Variants in ZNF550 observed in about 807,000 individuals in gnomAD.
ZNF550 encodes the protein zinc finger protein 550.
ZNF550 carries 42 observed loss-of-function variants against 40.2 expected under a neutral mutation model. The ratio of observed to expected loss-of-function variants is 1.05; its 90% CI spans 0.82 to 1.35. The LOEUF (loss-of-function observed/expected upper bound fraction) is 1.35. Ranked by LOEUF, ZNF550 falls within the 40% of genes most tolerant of loss-of-function variation. The pLI is 0.00. For missense variants in ZNF550, 549 were observed against 525.2 expected, an observed-to-expected ratio of 1.05 and a Z score of -0.44; for synonymous variants, 223 against 198.6, an observed-to-expected ratio of 1.12 and a Z score of -1.03.
At chr19:57,545,283 A>G (rs1281155590) in intron 4 of ZNF550, among the ~76,000 whole-genome samples, 1 of 152,236 alleles carries the variant, frequency 6.6e-6, no homozygotes, top group Non-Finnish European at 1.5e-5. Flanking sequence ...GCAAATGTTT[A>G]TAAGATCAGA....
chr19:57,556,161 C>T, intron 2 of ZNF550, 70 bp downstream of exon 2: 1 of 1,606,564 alleles, frequency 6.2e-7, no homozygotes, highest in Admixed American at 1.7e-5. Context: ...GTGGGCAGTT[C>T]CAGTGACCTT....
intron 2 of ZNF550, chr19:57,553,844 T>G (rs959561575): frequency 6.6e-6 from 1 of 152,172 alleles, no homozygotes; most frequent in African/African-American, 2.4e-5. Context: ...ACTTCCAAAA[T>G]GTGCCCCCCA....
At chr19:57,547,523 T>G (rs201442480) in exon 4 of ZNF550, 35 of 1,613,874 alleles carry the variant, frequency 2.2e-5, no homozygotes, top group Non-Finnish European at 2.8e-5. Flanking sequence ...GAGCTCTGGC[T>G]AAAGGCTTTC....
chr19:57,547,187 T>G (rs1329452868), exon 4 of ZNF550: 1 of 1,611,652 alleles, frequency 6.2e-7, no homozygotes, highest in East Asian at 2.2e-5. Flanking sequence ...GAGCTGCATC[T>G]GAAGGCCTTT....
At chr19:57,549,979 G>A (rs1233734053) in intron 3 of ZNF550, among the ~76,000 whole-genome samples, 1 of 152,208 alleles carries the variant, frequency 6.6e-6, no homozygotes, top group Admixed American at 6.5e-5. Context: ...TTCTCAGGCT[G>A]TCATGAGGTT....
At position 57,549,517 on chromosome 19, in the gene ZNF550, A is replaced by G. The variant is rs1599892828; in HGVS notation, c.251-1524T>C. ...TAAGAGTTTAGGGAAGTTGCACCTA[A>G]TGAGACTGGAAAGAAAAAGAGATCA... is the stretch of plus-strand genomic sequence containing the variant. On this transcript the variant is annotated intron_variant, in intron 3 of 4. Coordinates refer to ENST00000457177, the Ensembl canonical transcript of ZNF550. 3.9e-5 allele frequency among the ~76,000 whole-genome samples: 6 copies of G among 152,326 alleles called. No homozygotes were observed. In the East Asian group the frequency reaches 1.2e-3, roughly 29 times the overall value.
At chr19:57,556,697 C>T in intron 1 of ZNF550, 1 of 220,608 alleles carries the variant, frequency 4.5e-6, no homozygotes, top group South Asian at 6.5e-5. Flanking sequence ...ACAGCAACAG[C>T]AGCAGCTAAG....
intron 4 of ZNF550, chr19:57,544,122 C>T (rs2089987001): frequency 8.1e-6 from 8 of 985,404 alleles, no homozygotes; most frequent in Non-Finnish European, 8.4e-6. Flanking sequence ...AGTTCCTTCC[C>T]TGCTCAAGGG....
At chr19:57,546,416 T>A (rs2090010259) in intron 4 of ZNF550, 1 of 878,400 alleles carries the variant, frequency 1.1e-6, no homozygotes, top group East Asian at 1.2e-4. Context: ...ATAAAACTGA[T>A]CTTACAGGGA....
intron 1 of ZNF550, 49 bp downstream of exon 1, chr19:57,559,607 C>T (rs2090152467): frequency 6.9e-7 from 1 of 1,449,726 alleles, no homozygotes; most frequent in East Asian, 2.7e-5. Context: ...TCGTCGGGCC[C>T]GGGACACTGA....
At chr19:57,543,932 C>CT in intron 4 of ZNF550, 15 of 981,168 alleles carry the variant, frequency 1.5e-5, no homozygotes, top group Non-Finnish European at 1.8e-5. Flanking sequence ...GAGTGAAACT[C>CT]TGTCTCAAAA....
At position 57,546,797 on chromosome 19, in the gene ZNF550, C is replaced by T. The variant is rs1231277898; in HGVS notation, c.*178G>A. 11 of 1,387,524 alleles carry T rather than the reference C, an allele frequency of 7.9e-6. No homozygotes were observed. The Admixed American group carries it at 8.8e-5, about 11-fold the overall frequency. 86.0% of individuals were successfully genotyped at this position (1,387,524 alleles called of 1,614,324 possible). A position where few individuals can be genotyped will look rare whatever the true frequency, so the allele number is the denominator to read the frequency against. On this transcript the variant is annotated 3_prime_UTR_variant, in exon 4 of 5. Coordinates refer to ENST00000457177, the Ensembl canonical transcript of ZNF550. ...CCTTACATTCACTGTATTCACAGGGCTTCTCTCCAAAGTGACTGCTCATGT... is the reference window on the plus strand; with the variant it reads ...CCTTACATTCACTGTATTCACAGGGTTTCTCTCCAAAGTGACTGCTCATGT...
At chr19:57,556,058 TA>T in intron 2 of ZNF550, 172 bp downstream of exon 2, 1 of 786,122 alleles carries the variant, frequency 1.3e-6, no homozygotes. Flanking sequence ...GGGTTTGTGT[TA>T]AAAGGACATT....
intron 4 of ZNF550, among the ~76,000 whole-genome samples, chr19:57,546,301 C>T (rs1404372131): frequency 1.3e-5 from 2 of 151,826 alleles, no homozygotes; most frequent in African/African-American, 4.8e-5. Flanking sequence ...GCCTGAAGAG[C>T]TGCCCTCACT....
intron 3 of ZNF550, 195 bp downstream of exon 3, chr19:57,552,432 G>A (rs2090080215): frequency 1.9e-6 from 1 of 526,766 alleles, no homozygotes; most frequent in African/African-American, 1.9e-5. Flanking sequence ...ACAGCAAAAG[G>A]TACCTGTGTC....
At chr19:57,546,573 A>G (rs968583463) in exon 4 of ZNF550, 30 of 997,942 alleles carry the variant, frequency 3.0e-5, no homozygotes, top group Admixed American at 5.3e-5. Flanking sequence ...TCTCACATCA[A>G]TAACAATTAT....
intron 3 of ZNF550, among the ~76,000 whole-genome samples, chr19:57,549,112 CG>C (rs1231335009): frequency 1.3e-5 from 2 of 151,956 alleles, no homozygotes. Flanking sequence ...ATAGCACAAC[CG>C]GGTGGCTATA....
intron 2 of ZNF550, chr19:57,555,203 A>G (rs1042577081): frequency 6.6e-6 from 1 of 152,214 alleles, no homozygotes; most frequent in East Asian, 1.9e-4. Context: ...CAACAAAATC[A>G]AAACAATGCC....
chr19:57,546,780 T>C (rs1387249983), exon 4 of ZNF550: 1 of 1,369,362 alleles, frequency 7.3e-7, no homozygotes, highest in African/African-American at 1.4e-5. Context: ...ATCCTTACAT[T>C]CACTGTATTC....
Sources: gnomAD v4.1 joint callset for allele counts (sites outside exome capture counted in the v4.1 genomes callset) on GRCh38, gnomAD v4.1.1 for gene constraint, MANE v1.5 for transcripts, NCBI Gene and HGNC (gene_info 2026-07-23, HGNC 2026-07-21) for gene names.